Variants in MACC1 observed in about 807,000 individuals in gnomAD.
MACC1 encodes the protein MET transcriptional regulator MACC1, also known as metastasis-associated in colon cancer protein 1.
A neutral mutation model predicts 70.7 loss-of-function variants in MACC1; 79 were observed. The ratio of observed to expected loss-of-function variants is 1.12; its 90% CI spans 0.93 to 1.35. The LOEUF (loss-of-function observed/expected upper bound fraction) is 1.35. Among genes scored for constraint, MACC1 ranks in the 40% most tolerant of loss-of-function variants. The pLI is 0.00. For missense variants in MACC1, 1,106 were observed against 978.1 expected (o/e 1.13, Z -1.74); for synonymous variants, 361 against 347.2 (o/e 1.04, Z -0.44).
At chr7:20,182,509 T>C (rs551248353) in intron 1 of MACC1, among the ~76,000 whole-genome samples, 192 of 152,266 alleles carry the variant, frequency 1.3e-3, no homozygotes, top group African/African-American at 4.5e-3. Context: ...CTTAATATTA[T>C]TGCACAAGTT....
At chr7:20,175,535 G>A (rs184434580) in intron 1 of MACC1, among the ~76,000 whole-genome samples, 56 of 152,048 alleles carry the variant, frequency 3.7e-4, no homozygotes, top group African/African-American at 1.3e-3. Context: ...CAAATGTATT[G>A]CAAAATTAGC....
intron 1 of MACC1, among the ~76,000 whole-genome samples, chr7:20,209,280 A>G (rs1032892919): frequency 3.3e-5 from 5 of 152,232 alleles, no homozygotes; most frequent in African/African-American, 1.2e-4. Flanking sequence ...TATGCCTGGA[A>G]AAGCCACAGA....
intron 1 of MACC1, among the ~76,000 whole-genome samples, chr7:20,189,659 C>T (rs991488856): frequency 2.0e-5 from 3 of 151,894 alleles, no homozygotes; most frequent in Non-Finnish European, 4.4e-5. Context: ...ACTTAAATTC[C>T]ACCATCTCTT....
intron 1 of MACC1, among the ~76,000 whole-genome samples, chr7:20,183,835 G>A (rs1331585694): frequency 2.0e-5 from 3 of 151,662 alleles, no homozygotes; most frequent in Admixed American, 2.0e-4. Context: ...AGCTTCCCAA[G>A]TAACTGGGAT....
In MACC1 at chr7:20,174,079, G is replaced by T. The variant is rs10262353; in HGVS notation, c.-217-3301C>A. Among the ~76,000 whole-genome samples, 8 of 152,136 alleles carry T rather than the reference G, an allele frequency of 5.3e-5. No homozygotes were observed. In the East Asian group the frequency reaches 1.3e-3, roughly 26 times the overall value. On this transcript the variant is annotated intron_variant, in intron 1 of 6. Transcript: ENST00000400331. ...AAGTGTGACTTCCTGATGATCTGAGGTTGCCTGAATCACAGGGACTTTCTC... is the reference window on the plus strand; with the variant it reads ...AAGTGTGACTTCCTGATGATCTGAGTTTGCCTGAATCACAGGGACTTTCTC...
At chr7:20,186,965 C>CAG (rs1782598436) in intron 1 of MACC1, among the ~76,000 whole-genome samples, 1 of 152,126 alleles carries the variant, frequency 6.6e-6, no homozygotes, top group African/African-American at 2.4e-5. Context: ...TAATTACTAT[C>CAG]ATGTTTTATA....
At chr7:20,162,060 G>T (rs1322693441) in intron 3 of MACC1, among the ~76,000 whole-genome samples, 190 bp from the exon 4 acceptor site, 1 of 151,944 alleles carries the variant, frequency 6.6e-6, no homozygotes, top group Non-Finnish European at 1.5e-5. Context: ...ACTAAAAAAT[G>T]ATCAAATTCC....
chr7:20,158,322 T>A lies in MACC1; in HGVS notation c.2039A>T (p.Asp680Val), dbSNP rs1353755270. ...VLGYSHLSLEDFDQIQADKES... is the reference protein window; with the variant it reads ...VLGYSHLSLEVFDQIQADKES... The stretch of plus-strand genomic sequence containing the variant: ...TTTGTCTGCTTGAATTTGATCAAAA[T>A]CTTCCAGGGACAGATGTGAGTAACC... The change falls in exon 5 of 7, where the codon GAT becomes GTT. Residue 680 changes from aspartate to valine, a missense_variant. Physicochemically the swap from Asp to Val is radical, Grantham distance 152. Coordinates refer to ENST00000400331, the MANE Select transcript of MACC1 (RefSeq NM_182762.4). 3 of 1,613,776 alleles carry A rather than the reference T, an allele frequency of 1.9e-6. No homozygotes were observed. Among genetic ancestry groups the A allele is most frequent in the Non-Finnish European group, 2.5e-6 (3 of 1,179,958 alleles).
chr7:20,137,696 T>C lies in MACC1; in HGVS notation c.*3250A>G, dbSNP rs908699770. 1 of 152,252 alleles carries C rather than the reference T, an allele frequency of 6.6e-6. No homozygotes were observed. The highest frequency in any genetic ancestry group is 1.5e-5 in the Non-Finnish European group (1 of 68,046). The allele number at this position is 152,252 out of a possible 1,614,324, so 9.4% of individuals were successfully genotyped here. On this transcript the variant is annotated 3_prime_UTR_variant, in exon 7 of 7. Coordinates refer to ENST00000400331, the MANE Select transcript of MACC1 (RefSeq NM_182762.4). ...TAAGTGCCTTATTATTTCATTGACT[T>C]ACTGCCAAATATTGAAGGCAATTCA...
chr7:20,165,007 TC>T (rs1284510477), intron 2 of MACC1, among the ~76,000 whole-genome samples: 4 of 151,978 alleles, frequency 2.6e-5, no homozygotes, highest in African/African-American at 9.7e-5. Flanking sequence ...TAGGTAGAAG[TC>T]CTCAACCACA....
intron 2 of MACC1, among the ~76,000 whole-genome samples, chr7:20,165,097 C>T (rs1263185563): frequency 1.3e-5 from 2 of 152,098 alleles, no homozygotes; most frequent in African/African-American, 2.4e-5. Flanking sequence ...ACCAAAGGGT[C>T]GTTAGCTGAG....
intron 1 of MACC1, among the ~76,000 whole-genome samples, chr7:20,181,390 A>G (rs910989004): frequency 1.7e-4 from 26 of 152,250 alleles, no homozygotes; most frequent in African/African-American, 5.3e-4. Flanking sequence ...AATATTATAC[A>G]TAAAATATTA....
In MACC1 at chr7:20,158,216, A is replaced by C. The variant is rs1782082865; in HGVS notation, c.2145T>G (p.Tyr715Ter). The part of the protein sequence containing the change: ...HTERNTRKFL[Y>*]ELIVALLKMD... The stretch of plus-strand genomic sequence containing the variant: ...AAGCAATACTCACCACAATAAGTTC[A>C]TACAGAAACTTCCTTGTATTTCTCT... Residue 715 changes from tyrosine (Y) to a stop codon, truncating the protein, a stop_gained, in exon 5 of 7, where the codon TAT becomes TAG. Coordinates refer to ENST00000400331, the MANE Select transcript of MACC1 (RefSeq NM_182762.4). LOFTEE classifies it high-confidence loss of function. 6.3e-7 allele frequency: 1 copy of C among 1,577,060 alleles called. No individual in the cohort carries two copies. The highest frequency in any genetic ancestry group is 8.6e-7 in the Non-Finnish European group (1 of 1,167,844).
intron 1 of MACC1, among the ~76,000 whole-genome samples, chr7:20,176,464 C>A (rs1782394962): frequency 6.6e-6 from 1 of 152,090 alleles, no homozygotes; most frequent in Admixed American, 6.6e-5. Context: ...TCATGTTTCT[C>A]AGTTCTCTGA....
At chr7:20,187,595 T>G (rs1021077138) in intron 1 of MACC1, among the ~76,000 whole-genome samples, 3 of 152,190 alleles carry the variant, frequency 2.0e-5, no homozygotes, top group Admixed American at 6.5e-5. Flanking sequence ...CTAATGGAAC[T>G]ACACTTAAGA....
chr7:20,188,060 C>G (rs1018131178), intron 1 of MACC1, among the ~76,000 whole-genome samples: 1 of 151,902 alleles, frequency 6.6e-6, no homozygotes, highest in Admixed American at 6.6e-5. Flanking sequence ...GGAGAAGTGC[C>G]GAGCAAAAAG....
At chr7:20,190,561 A>C (rs930411772) in intron 1 of MACC1, among the ~76,000 whole-genome samples, 10 of 152,238 alleles carry the variant, frequency 6.6e-5, no homozygotes, top group Admixed American at 5.2e-4. Context: ...CAGAATTAGC[A>C]TTGGCTTTTT....
chr7:20,179,221 A>G (rs1033576978), intron 1 of MACC1, among the ~76,000 whole-genome samples: 1 of 145,198 alleles, frequency 6.9e-6, no homozygotes, highest in African/African-American at 2.7e-5. Flanking sequence ...TGTCCTTTGA[A>G]TAAGGTCTTG....
chr7:20,145,549 A>C (rs1051673705), intron 6 of MACC1, among the ~76,000 whole-genome samples: 1 of 152,116 alleles, frequency 6.6e-6, no homozygotes, highest in Non-Finnish European at 1.5e-5. Flanking sequence ...AAAAGAAAAA[A>C]AATTTTTAAA....
Sources: gnomAD v4.1 joint callset for allele counts (sites outside exome capture counted in the v4.1 genomes callset) on GRCh38, gnomAD v4.1.1 for gene constraint, MANE v1.5 for transcripts, NCBI Gene and HGNC (gene_info 2026-07-23, HGNC 2026-07-21) for gene names.